Variants in ACBD6 observed in about 807,000 individuals in gnomAD.
The protein encoded by ACBD6 is acyl-CoA binding domain containing 6.
Under a neutral mutation model 37.2 loss-of-function variants are expected in ACBD6, and 28 were observed. That is an observed-to-expected ratio of 0.75 (90% CI 0.56 to 1.03). The LOEUF (loss-of-function observed/expected upper bound fraction) is 1.03, where lower values mean the gene tolerates loss of function less well. ACBD6 is among the 50% of genes least tolerant of loss of function. The probability of loss-of-function intolerance (pLI) is 0.00; values close to 1 mark genes in which losing one functional copy is unlikely to be tolerated. For missense variants in ACBD6, 340 were observed against 337.4 expected, an observed-to-expected ratio of 1.01 and a Z score of -0.06; for synonymous variants, 113 against 126.8, an observed-to-expected ratio of 0.89 and a Z score of 0.73.
chr1:180,449,124 A>C (rs1258452157), intron 3 of ACBD6, among the ~76,000 whole-genome samples: 1 of 152,168 alleles, frequency 6.6e-6, no homozygotes, highest in Non-Finnish European at 1.5e-5. Flanking sequence ...TTTTGTCTCC[A>C]TGCAACTATC....
intron 5 of ACBD6, among the ~76,000 whole-genome samples, chr1:180,401,612 T>C (rs967025320): frequency 1.3e-5 from 2 of 151,974 alleles, no homozygotes; most frequent in South Asian, 2.1e-4. Flanking sequence ...GGTGAAATGC[T>C]GTCTCTACTA....
At chr1:180,402,745 C>T (rs182209534) in intron 5 of ACBD6, among the ~76,000 whole-genome samples, 37 of 151,214 alleles carry the variant, frequency 2.4e-4, no homozygotes, top group African/African-American at 7.5e-4. Context: ...TGCAGTGAGC[C>T]GTGATCGACG....
At chr1:180,445,715 A>G (rs529032153) in intron 3 of ACBD6, among the ~76,000 whole-genome samples, 11 of 152,268 alleles carry the variant, frequency 7.2e-5, no homozygotes, top group Admixed American at 7.2e-4. Flanking sequence ...ACTTGAGCTC[A>G]GGAGTTCAAA....
intron 3 of ACBD6, among the ~76,000 whole-genome samples, chr1:180,485,954 A>G (rs1414235453): frequency 6.6e-6 from 1 of 152,170 alleles, no homozygotes; most frequent in African/African-American, 2.4e-5. Context: ...AAAAAAAAAA[A>G]AAATGATTTT....
At chr1:180,289,631 G>A (rs976541829) in intron 7 of ACBD6, among the ~76,000 whole-genome samples, 3 of 152,300 alleles carry the variant, frequency 2.0e-5, no homozygotes, top group Middle Eastern at 3.4e-3. Flanking sequence ...ATATTTGCAA[G>A]CATGTACACA....
intron 3 of ACBD6, among the ~76,000 whole-genome samples, chr1:180,481,779 T>C (rs570068884): frequency 6.6e-6 from 1 of 152,340 alleles, no homozygotes; most frequent in East Asian, 1.9e-4. Flanking sequence ...TTCATGTTAT[T>C]TACCCTGGAA....
chr1:180,370,004 C>G (rs1277608776), intron 6 of ACBD6, among the ~76,000 whole-genome samples: 1 of 152,072 alleles, frequency 6.6e-6, no homozygotes, highest in Non-Finnish European at 1.5e-5. Flanking sequence ...TGCATCATTT[C>G]TTTGAGGCAA....
intron 3 of ACBD6, among the ~76,000 whole-genome samples, chr1:180,466,206 T>C (rs1033197294): frequency 6.6e-6 from 1 of 152,182 alleles, no homozygotes; most frequent in African/African-American, 2.4e-5. Flanking sequence ...TCAGATACTA[T>C]TTTGGGAGTA....
At chr1:180,286,836 A>G (rs960502745), downstream of ACBD6, 1 of 152,234 alleles carries the variant, frequency 6.6e-6, no homozygotes, top group Non-Finnish European at 1.5e-5. Flanking sequence ...TCTGTTATAG[A>G]GGGGCTTATT....
chr1:180,452,960 T>C (rs911979857), intron 3 of ACBD6, among the ~76,000 whole-genome samples: 8 of 152,172 alleles, frequency 5.3e-5, no homozygotes, highest in Non-Finnish European at 1.2e-4. Context: ...CCAGACGGAT[T>C]CACAGCTGAC....
chr1:180,470,113 C>T (rs960910982), intron 3 of ACBD6, among the ~76,000 whole-genome samples: 1 of 152,078 alleles, frequency 6.6e-6, no homozygotes, highest in African/African-American at 2.4e-5. Context: ...TTCATTTTTC[C>T]AATTTAAGCT....
intron 9 of ACBD6, among the ~76,000 whole-genome samples, chr1:180,280,808 G>A (rs1571311528): frequency 6.6e-6 from 1 of 152,220 alleles, no homozygotes; most frequent in African/African-American, 2.4e-5. Context: ...CTTGGGTGGT[G>A]GTTAGGGAAA....
At chr1:180,334,010 C>T (rs960552986) in intron 6 of ACBD6, among the ~76,000 whole-genome samples, 7 of 152,210 alleles carry the variant, frequency 4.6e-5, no homozygotes, top group East Asian at 3.9e-4. Flanking sequence ...GTAAACAAAG[C>T]GGCCAGGAAG....
intron 6 of ACBD6, among the ~76,000 whole-genome samples, chr1:180,392,263 A>ATG (rs201188190): frequency 0.18 from 24,632 of 137,906 alleles, 2,014 homozygotes; most frequent in Middle Eastern, 0.23. Context: ...ATGTGTATAG[A>ATG]TGTGTGTGTG....
At chr1:180,459,971 T>C (rs1362219002) in intron 3 of ACBD6, among the ~76,000 whole-genome samples, 5 of 117,072 alleles carry the variant, frequency 4.3e-5, no homozygotes, top group African/African-American at 2.1e-4. Context: ...CTGCTTCTTT[T>C]TTTTTTTTTT....
rs931759041 is a variant in ACBD6, at chr1:180,401,173, C to G, written c.574-3568G>C. Among the ~76,000 whole-genome samples the G allele has an allele frequency of 2.6e-5, 4 of 152,254 alleles. No individual in the cohort carries two copies. In the East Asian group the frequency reaches 7.7e-4, roughly 29 times the overall value. ...CCTTTGTTAGGCCACCAGAAGACCA[C>G]GAACACTGGAGAGCCCTGAATAAAT... On this transcript the variant is annotated intron_variant, in intron 5 of 7. Transcript: ENST00000367595.
chr1:180,392,280 TGTG>T (rs201820900), intron 6 of ACBD6, among the ~76,000 whole-genome samples: 15,801 of 120,068 alleles, frequency 0.13, 1,166 homozygotes, highest in African/African-American at 0.21. Context: ...TGTGTGTGTG[TGTG>T]TATGTATGTA....
chr1:180,497,224 C>T (rs1417651909), intron 1 of ACBD6, among the ~76,000 whole-genome samples: 1 of 152,180 alleles, frequency 6.6e-6, no homozygotes, highest in Admixed American at 6.5e-5. Context: ...AATAGTTCTC[C>T]ATTTCTCCTA....
chr1:180,499,093 G>A (rs1008035053), intron 1 of ACBD6, among the ~76,000 whole-genome samples: 1 of 152,166 alleles, frequency 6.6e-6, no homozygotes, highest in African/African-American at 2.4e-5. Flanking sequence ...GCTAAGTTTA[G>A]AGTTCTCCCT....
Sources: allele counts gnomAD v4.1 joint callset (sites outside exome capture counted in the v4.1 genomes callset), GRCh38; gene constraint gnomAD v4.1.1; transcripts MANE v1.5; gene names NCBI Gene and HGNC (gene_info 2026-07-23, HGNC 2026-07-21).